Variants in PHF21A observed in about 807,000 individuals in gnomAD.
PHF21A encodes BHC80a.
A neutral mutation model predicts 82.5 loss-of-function variants in PHF21A; 11 were observed. The ratio of observed to expected loss-of-function variants is 0.13; its 90% CI spans 0.08 to 0.22. PHF21A has a LOEUF of 0.22. Ranked by LOEUF, PHF21A falls within the 10% of genes least tolerant of loss-of-function variation. The probability of loss-of-function intolerance (pLI) is 1.00; values close to 1 mark genes in which losing one functional copy is unlikely to be tolerated. For missense variants in PHF21A, 579 were observed against 837.8 expected (o/e 0.69, Z 3.81); for synonymous variants, 297 against 302.8 (o/e 0.98, Z 0.20).
At chr11:45,987,660 C>CA (rs71038877) in intron 6 of PHF21A, among the ~76,000 whole-genome samples, 20,580 of 34,934 alleles carry the variant, frequency 0.59, 8,770 homozygotes, top group East Asian at 0.75. Context: ...GACCCCGTCT[C>CA]AAAAAAAAAA....
rs1429686034 is a variant in PHF21A at position 45,943,289 on chromosome 11, A to T, written c.1452+2551T>A. Reference sequence around the variant, plus strand: ...AGGGGCACACCAGTATGCCCGGCTAATTTTTGTATATTTAGTAGAGACGGG... The same window carrying T: ...AGGGGCACACCAGTATGCCCGGCTATTTTTTGTATATTTAGTAGAGACGGG... On this transcript the variant is annotated intron_variant, in intron 15 of 18. Coordinates refer to ENST00000676320, the MANE Select transcript of PHF21A (RefSeq NM_001352027.3). 3.9e-5 allele frequency among the ~76,000 whole-genome samples: 6 copies of T among 152,014 alleles called. No homozygotes were observed. In the East Asian group the frequency reaches 1.2e-3, roughly 29 times the overall value.
chr11:46,055,629 A>T (rs1163237213), intron 6 of PHF21A, among the ~76,000 whole-genome samples: 2 of 152,156 alleles, frequency 1.3e-5, no homozygotes, highest in Non-Finnish European at 2.9e-5. Context: ...GAGATCCAAC[A>T]AAATTACCAA....
In PHF21A at chr11:45,971,252, ACCATAGCAATGGTAGGTCTCTGGC is replaced by A; in HGVS notation, c.452_475del (p.Gly151_Met158del). ...AGCCTTCTGACTGTTGATGGCGGTC[ACCATAGCAATGGTAGGTCTCTGGC>A]CCACCACAGAGGCAGGCATGGTCGC... On this transcript the variant is annotated inframe_deletion, in exon 8 of 19. Transcript: ENST00000676320. 1 of 1,614,184 alleles carries A rather than the reference ACCATAGCAATGGTAGGTCTCTGGC, an allele frequency of 6.2e-7. No individual in the cohort carries two copies.
At chr11:45,992,643 T>C (rs540847253) in intron 6 of PHF21A, among the ~76,000 whole-genome samples, 1 of 152,180 alleles carries the variant, frequency 6.6e-6, no homozygotes, top group Admixed American at 6.5e-5. Context: ...AATTTTATCA[T>C]AATGGAAGAG....
intron 1 of PHF21A, among the ~76,000 whole-genome samples, chr11:46,117,746 C>T (rs1851753703): frequency 6.6e-6 from 1 of 152,114 alleles, no homozygotes; most frequent in Non-Finnish European, 1.5e-5. Context: ...GCTCAACATC[C>T]CACTCATCAA....
At chr11:46,099,198 G>A (rs936301402) in intron 1 of PHF21A, among the ~76,000 whole-genome samples, 1 of 152,042 alleles carries the variant, frequency 6.6e-6, no homozygotes, top group Non-Finnish European at 1.5e-5. Context: ...TTAAAGCACA[G>A]TAAACCCAAC....
chr11:46,120,210 C>T (rs1852736863), intron 1 of PHF21A, among the ~76,000 whole-genome samples: 1 of 150,208 alleles, frequency 6.7e-6, no homozygotes, highest in South Asian at 2.1e-4. Context: ...AAACCAGATC[C>T]CTCAGTCAAC....
intron 1 of PHF21A, among the ~76,000 whole-genome samples, chr11:46,092,709 T>C (rs1383970823): frequency 6.6e-6 from 1 of 151,962 alleles, no homozygotes. Context: ...TAATAATGTA[T>C]AGTCAGAATT....
chr11:45,981,103 T>A (rs1240912771), intron 6 of PHF21A, among the ~76,000 whole-genome samples: 1 of 152,044 alleles, frequency 6.6e-6, no homozygotes, highest in Non-Finnish European at 1.5e-5. Context: ...ACTATATTGC[T>A]GGCCCAACAC....
intron 6 of PHF21A, among the ~76,000 whole-genome samples, chr11:45,987,513 T>G (rs111737788): frequency 0.015 from 2,192 of 150,144 alleles, 53 homozygotes; most frequent in African/African-American, 0.051. Flanking sequence ...TACAAAAAAT[T>G]AGCTGGGCAT....
chr11:45,936,186 G>A (rs781515260), intron 17 of PHF21A, among the ~76,000 whole-genome samples: 40 of 152,290 alleles, frequency 2.6e-4, no homozygotes, highest in Admixed American at 4.6e-4. Flanking sequence ...GCTGAGGTAG[G>A]AGGATCGACT....
chr11:46,078,244 G>A (rs2096750651), intron 5 of PHF21A, among the ~76,000 whole-genome samples: 1 of 152,116 alleles, frequency 6.6e-6, no homozygotes, highest in South Asian at 2.1e-4. Context: ...TTCTCAATTT[G>A]TAGAGATAAG....
intron 18 of PHF21A, chr11:45,935,249 AG>A (rs2088624667): frequency 7.7e-7 from 1 of 1,299,044 alleles, no homozygotes. Flanking sequence ...TCAGGTGACT[AG>A]GAAGAATCAC....
intron 1 of PHF21A, among the ~76,000 whole-genome samples, chr11:46,106,776 G>C (rs2097156764): frequency 6.6e-6 from 1 of 152,208 alleles, no homozygotes. Context: ...AAAAGGCACT[G>C]CCATCTCAAT....
At chr11:45,946,190 A>G (rs2091266765) in intron 14 of PHF21A, 187 bp from the exon 15 acceptor site, 1 of 1,268,338 alleles carries the variant, frequency 7.9e-7, no homozygotes, top group Middle Eastern at 1.8e-4. Context: ...ATGTCATTAG[A>G]AACAACTATA....
At chr11:45,976,764 G>T (rs1312055251) in intron 7 of PHF21A, among the ~76,000 whole-genome samples, 1 of 152,124 alleles carries the variant, frequency 6.6e-6, no homozygotes, top group African/African-American at 2.4e-5. Context: ...ATGGCTTGGG[G>T]CAGGGGTTTC....
intron 6 of PHF21A, among the ~76,000 whole-genome samples, chr11:46,060,095 C>A (rs2096515638): frequency 6.6e-6 from 1 of 152,102 alleles, no homozygotes; most frequent in Non-Finnish European, 1.5e-5. Flanking sequence ...CTTAAAGGAT[C>A]TAAAACATGG....
intron 16 of PHF21A, among the ~76,000 whole-genome samples, chr11:45,937,268 C>T (rs998148570): frequency 2.0e-5 from 3 of 152,144 alleles, no homozygotes; most frequent in African/African-American, 7.2e-5. Flanking sequence ...CTAAAAAAGA[C>T]TTGAGACAGC....
intron 18 of PHF21A, chr11:45,934,724 G>A: frequency 6.3e-6 from 2 of 317,330 alleles, no homozygotes; most frequent in South Asian, 5.5e-5. Flanking sequence ...CGACAGGCCA[G>A]CAGCATTTAG....
Sources: gnomAD v4.1 joint callset for allele counts (sites outside exome capture counted in the v4.1 genomes callset) on GRCh38, gnomAD v4.1.1 for gene constraint, MANE v1.5 for transcripts, NCBI Gene and HGNC (gene_info 2026-07-23, HGNC 2026-07-21) for gene names.